The following SHANK2 variants were observed in gnomAD, a reference collection of about 807,000 sequenced individuals.
SHANK2 encodes the protein SH3 and multiple ankyrin repeat domains protein 2.
SHANK2 carries 43 observed loss-of-function variants against 133.7 expected under a neutral mutation model. The ratio of observed to expected loss-of-function variants is 0.32; its 90% CI spans 0.25 to 0.41. The LOEUF is 0.41. Ranked by LOEUF, SHANK2 falls within the 10% of genes least tolerant of loss-of-function variation. The pLI is 1.00. For synonymous variants in SHANK2, 1,017 were observed against 952.8 expected (o/e 1.07, Z -1.24); for missense variants, 1,994 against 2,235.8 (o/e 0.89, Z 2.18).
intron 15 of SHANK2, among the ~76,000 whole-genome samples, chr11:70,691,611 G>T (rs1945291167): frequency 6.6e-6 from 1 of 152,194 alleles, no homozygotes; most frequent in Admixed American, 6.5e-5. Context: ...AAAAATATGG[G>T]CCAGGTGCGG....
intron 14 of SHANK2, among the ~76,000 whole-genome samples, chr11:70,730,626 C>G (rs1946268137): frequency 6.6e-6 from 1 of 152,132 alleles, no homozygotes; most frequent in African/African-American, 2.4e-5. Flanking sequence ...GCACCTGGTC[C>G]CTGCAGATGA....
intron 17 of SHANK2, among the ~76,000 whole-genome samples, chr11:70,614,191 G>C (rs1428464691): frequency 6.6e-6 from 1 of 152,228 alleles, no homozygotes; most frequent in Non-Finnish European, 1.5e-5. Flanking sequence ...AGCTGGAAGA[G>C]GCCAGGAAGG....
At chr11:71,062,154 C>G (rs1370485001) in intron 9 of SHANK2, among the ~76,000 whole-genome samples, 1 of 151,982 alleles carries the variant, frequency 6.6e-6, no homozygotes, top group Non-Finnish European at 1.5e-5. Context: ...CAGGGTTTCA[C>G]CATGTTGCCC....
intron 1 of SHANK2, among the ~76,000 whole-genome samples, chr11:71,249,328 A>G (rs781796361): frequency 1.4e-4 from 22 of 152,188 alleles, no homozygotes; most frequent in Non-Finnish European, 2.6e-4. Context: ...GGACAGGGTC[A>G]AGAACTTTGC....
intron 21 of SHANK2, among the ~76,000 whole-genome samples, chr11:70,493,435 A>C (rs1209502900): frequency 6.6e-6 from 1 of 151,066 alleles, no homozygotes; most frequent in East Asian, 1.9e-4. Flanking sequence ...CAATTAACAA[A>C]AGTTTTTTAA....
At chr11:70,737,485 A>G (rs1320372732) in intron 14 of SHANK2, among the ~76,000 whole-genome samples, 1 of 152,132 alleles carries the variant, frequency 6.6e-6, no homozygotes, top group African/African-American at 2.4e-5. Flanking sequence ...CAGGTGGCTC[A>G]ATGAGACTCT....
At chr11:70,833,470 C>A (rs1555059150) in intron 11 of SHANK2, among the ~76,000 whole-genome samples, 1 of 152,250 alleles carries the variant, frequency 6.6e-6, no homozygotes, top group African/African-American at 2.4e-5. Flanking sequence ...CATGCGACAT[C>A]TCTCAGGGAG....
chr11:70,908,868 G>C (rs1162523562), intron 10 of SHANK2, among the ~76,000 whole-genome samples: 2 of 152,192 alleles, frequency 1.3e-5, no homozygotes, highest in African/African-American at 4.8e-5. Flanking sequence ...TCAGTTTCCA[G>C]CCAAGATGTT....
chr11:70,931,845 T>C (rs925456908), intron 10 of SHANK2, among the ~76,000 whole-genome samples: 1 of 152,248 alleles, frequency 6.6e-6, no homozygotes, highest in Non-Finnish European at 1.5e-5. Context: ...ACGACGCTTA[T>C]TATTTTTCCA....
intron 11 of SHANK2, among the ~76,000 whole-genome samples, chr11:70,891,071 G>A (rs1949837892): frequency 6.6e-6 from 1 of 152,226 alleles, no homozygotes; most frequent in South Asian, 2.1e-4. Context: ...TACCTGACAT[G>A]TGCAAGTACA....
At chr11:71,198,614 C>T (rs1953958712) in intron 2 of SHANK2, among the ~76,000 whole-genome samples, 1 of 152,192 alleles carries the variant, frequency 6.6e-6, no homozygotes, top group African/African-American at 2.4e-5. Context: ...CCGTCCCCTA[C>T]CAACCCCCAT....
chr11:70,608,418 C>A (rs1160941549), intron 17 of SHANK2, among the ~76,000 whole-genome samples: 1 of 152,200 alleles, frequency 6.6e-6, no homozygotes, highest in Non-Finnish European at 1.5e-5. Flanking sequence ...CTCTCGAACA[C>A]CCCAGCTCCT....
chr11:70,817,813 C>A (rs551548847), intron 12 of SHANK2, among the ~76,000 whole-genome samples: 1 of 152,340 alleles, frequency 6.6e-6, no homozygotes, highest in South Asian at 2.1e-4. Flanking sequence ...CAGCTCACTG[C>A]AACCTCCGCC....
chr11:71,210,828 G>A (rs576896145), intron 2 of SHANK2, among the ~76,000 whole-genome samples: 13 of 152,236 alleles, frequency 8.5e-5, no homozygotes, highest in Admixed American at 4.6e-4. Context: ...GAATGAGCCC[G>A]GAAGCCTCAG....
chr11:70,946,359 A>ACCCTTTC (rs2135870119), intron 10 of SHANK2, among the ~76,000 whole-genome samples: 6 of 144,610 alleles, frequency 4.1e-5, no homozygotes, highest in African/African-American at 7.9e-5. Flanking sequence ...CCACTAACCA[A>ACCCTTTC]CACTTCCCAG....
intron 11 of SHANK2, among the ~76,000 whole-genome samples, chr11:70,843,338 T>A (rs1174182961): frequency 1.5e-5 from 2 of 131,386 alleles, no homozygotes. Context: ...TCCTATGGGG[T>A]GGGCTTGGTG....
intron 14 of SHANK2, among the ~76,000 whole-genome samples, chr11:70,710,647 G>A (rs1019466523): frequency 3.9e-5 from 6 of 152,198 alleles, no homozygotes; most frequent in East Asian, 3.8e-4. Context: ...AGGGGAAGTC[G>A]GAGAGACTAG....
intron 9 of SHANK2, among the ~76,000 whole-genome samples, chr11:71,066,903 G>A (rs886818280): frequency 7.2e-5 from 11 of 152,128 alleles, no homozygotes; most frequent in Non-Finnish European, 1.5e-4. Flanking sequence ...GTGGACATAG[G>A]TGCTTCTGCC....
At chr11:71,159,495 G>A (rs1261168436) in intron 2 of SHANK2, among the ~76,000 whole-genome samples, 2 of 152,148 alleles carry the variant, frequency 1.3e-5, no homozygotes, top group Admixed American at 6.5e-5. Flanking sequence ...ACATTCAGAG[G>A]TACCAGAGAC....
Sources: allele counts gnomAD v4.1 joint callset (sites outside exome capture counted in the v4.1 genomes callset), GRCh38; gene constraint gnomAD v4.1.1; transcripts MANE v1.5; gene names NCBI Gene and HGNC (gene_info 2026-07-23, HGNC 2026-07-21).